The following SPTBN1 variants were observed in gnomAD, a reference collection of about 807,000 sequenced individuals.
SPTBN1 encodes the protein spectrin beta chain, non-erythrocytic 1.
A neutral mutation model predicts 266.4 loss-of-function variants in SPTBN1; 32 were observed. That is an observed-to-expected ratio of 0.12 (90% CI 0.09 to 0.16). The LOEUF is 0.16. SPTBN1 is among the 10% of genes least tolerant of loss of function. The pLI is 1.00. For synonymous variants in SPTBN1, 1,336 were observed against 1,162.2 expected (o/e 1.15, Z -3.04); for missense variants, 2,296 against 3,067.1 (o/e 0.75, Z 5.94).
chr2:54,505,763 A>G (rs117802256), intron 1 of SPTBN1, among the ~76,000 whole-genome samples: 4 of 152,132 alleles, frequency 2.6e-5, no homozygotes, highest in East Asian at 1.9e-4. Context: ...GTTGCTTCAC[A>G]TTGAGCTTGC....
In SPTBN1 at chr2:54,649,692, C is replaced by T; in HGVS notation, c.5280C>T (p.His1760=). The part of the protein sequence containing the change: ...IGQERVDTVN[H]LADELINSGH... ...AGGAGCGCGTGGACACGGTCAATCA[C>T]CTGGCAGATGAGCTCATCAACTCTG... Residue 1760 remains histidine, a synonymous_variant, in exon 26 of 36, where the codon CAC becomes CAT. Coordinates refer to ENST00000356805, the MANE Select transcript of SPTBN1 (RefSeq NM_003128.3). The surrounding 1 kb of genome is among the most constrained non-coding windows in gnomAD (Gnocchi z 6.7). 2 of 1,614,158 alleles carry T rather than the reference C, an allele frequency of 1.2e-6. No homozygotes were observed. The highest frequency in any genetic ancestry group is 8.5e-7 in the Non-Finnish European group (1 of 1,180,024).
At chr2:54,481,395 T>A (rs34323996) in intron 1 of SPTBN1, among the ~76,000 whole-genome samples, 376 of 26,218 alleles carry the variant, frequency 0.014, 3 homozygotes, top group African/African-American at 0.13. Flanking sequence ...AACCTGAGTG[T>A]GTGTGTGTGT....
At chr2:54,667,282 G>A (rs925178818) in intron 34 of SPTBN1, among the ~76,000 whole-genome samples, 3 of 152,186 alleles carry the variant, frequency 2.0e-5, no homozygotes, top group Admixed American at 2.0e-4. Flanking sequence ...ACTCAGTTTA[G>A]ACCAGTAAGT....
chr2:54,596,309 C>CCGAA (rs1477996496), intron 2 of SPTBN1, among the ~76,000 whole-genome samples: 1 of 152,210 alleles, frequency 6.6e-6, no homozygotes, highest in Non-Finnish European at 1.5e-5. Context: ...CCCCAAGGAC[C>CCGAA]CGAAGCCTGA....
intron 29 of SPTBN1, 40 bp from the exon 30 acceptor site, chr2:54,657,810 C>T (rs1310056703): frequency 1.9e-6 from 3 of 1,613,076 alleles, no homozygotes; most frequent in African/African-American, 1.3e-5. Flanking sequence ...TGCCCGGCAC[C>T]TCCTGGTCAA....
Position 54,487,832 on chromosome 2 carries a change from C to CTTTTTTTTTTAT in SPTBN1, c.-48+31324_-48+31325insATTTTTTTTTTT, listed in dbSNP as rs1553432532. 2.0e-3 allele frequency among the ~76,000 whole-genome samples: 140 copies of CTTTTTTTTTTAT among 68,646 alleles called. 17 individuals carry two copies. The highest frequency in any genetic ancestry group is 3.2e-3 in the Non-Finnish European group (124 of 39,042). The allele number at this position is 68,646 out of a possible 152,430, so 45.0% of individuals were successfully genotyped here. On this transcript the variant is annotated intron_variant, in intron 1 of 35. Coordinates refer to ENST00000356805, the MANE Select transcript of SPTBN1 (RefSeq NM_003128.3). ...TTCACTTGATGGTCTCCTCCTGTGTCTTTTTTTTTTTTTTTGAGACGGAGT... is the reference window on the plus strand; with the variant it reads ...TTCACTTGATGGTCTCCTCCTGTGTCTTTTTTTTTTATTTTTTTTTTTTTTTTGAGACGGAGT...
At chr2:54,555,484 G>A (rs1470470981) in intron 2 of SPTBN1, among the ~76,000 whole-genome samples, 6 of 152,104 alleles carry the variant, frequency 3.9e-5, no homozygotes, top group South Asian at 2.1e-4. Flanking sequence ...TAATTTTTAC[G>A]TCAGCCCATT....
chr2:54,576,073 G>GTT (rs1674449935), intron 2 of SPTBN1, among the ~76,000 whole-genome samples: 1 of 4,834 alleles, frequency 2.1e-4, no homozygotes, highest in African/African-American at 1.6e-3. Flanking sequence ...TTTTTTTTTT[G>GTT]AGAGACAGTC....
At chr2:54,610,401 T>C (rs113616103) in intron 3 of SPTBN1, among the ~76,000 whole-genome samples, 1 of 152,218 alleles carries the variant, frequency 6.6e-6, no homozygotes, top group African/African-American at 2.4e-5. Flanking sequence ...TGCACTCACA[T>C]AAAAGATGCA....
At position 54,558,805 on chromosome 2, in the gene SPTBN1, C is replaced by T. The variant is rs763499641; in HGVS notation, c.148+32239C>T. The T allele has an allele frequency of 1.5e-5, 24 of 1,613,736 alleles. No homozygotes were observed. In the Middle Eastern group the frequency reaches 4.9e-4, roughly 33 times the overall value. On this transcript the variant is annotated intron_variant, in intron 2 of 35. Transcript: ENST00000356805. The surrounding 1 kb of genome is among the most constrained non-coding windows in gnomAD (Gnocchi z 4.6). ...TGGAATTGCAGAGGACGTCTAGTAT[C>T]TCCGGGCCGCTGTCGCCGGCGTACA...
chr2:54,526,312 G>A, intron 1 of SPTBN1, 60 bp from the exon 2 acceptor site: 1 of 1,386,380 alleles, frequency 7.2e-7, no homozygotes, highest in Non-Finnish European at 9.8e-7. Context: ...ATCCCAGTTG[G>A]TTCCGTGGGG....
intron 2 of SPTBN1, 23 bp downstream of exon 2, chr2:54,526,589 A>G: frequency 6.2e-7 from 1 of 1,607,232 alleles, no homozygotes; most frequent in Non-Finnish European, 8.5e-7. Flanking sequence ...CACCTGTCAC[A>G]GAGGCCCAGG....
At chr2:54,539,799 C>T (rs1671828079) in intron 2 of SPTBN1, among the ~76,000 whole-genome samples, 1 of 152,154 alleles carries the variant, frequency 6.6e-6, no homozygotes, top group African/African-American at 2.4e-5. Flanking sequence ...ACGTTGGCTT[C>T]CCAGAGTGCT....
chr2:54,517,401 TATG>T (rs1670166842), intron 1 of SPTBN1, among the ~76,000 whole-genome samples: 1 of 150,620 alleles, frequency 6.6e-6, no homozygotes, highest in Non-Finnish European at 1.5e-5. Context: ...ATAAAATAAT[TATG>T]ATCTTGTAAC....
chr2:54,578,770 GT>G (rs1377105864), intron 2 of SPTBN1, among the ~76,000 whole-genome samples: 3 of 151,912 alleles, frequency 2.0e-5, no homozygotes, highest in African/African-American at 7.3e-5. Flanking sequence ...GTGTGTGTGT[GT>G]GTGTGTGATG....
intron 17 of SPTBN1, among the ~76,000 whole-genome samples, chr2:54,636,759 A>C (rs1267063150): frequency 6.6e-6 from 1 of 152,162 alleles, no homozygotes; most frequent in Non-Finnish European, 1.5e-5. Flanking sequence ...CCTCAGTTGC[A>C]CTCTGCCTTT....
Position 54,630,841 on chromosome 2 carries a change from C to T in SPTBN1, c.2808-14C>T, listed in dbSNP as rs1490008593. 1.9e-6 allele frequency: 3 copies of T among 1,559,082 alleles called. No individual in the cohort carries two copies. Among genetic ancestry groups the T allele is most frequent in the African/African-American group, 1.4e-5 (1 of 73,622 alleles). ...TCCCTTTTTCACACTCGCTGTCTGC[C>T]CCTGCACTCACAGGTGGAGCCAGTT... On this transcript the variant is annotated splice_polypyrimidine_tract_variant and intron_variant, in intron 15 of 35. Transcript: ENST00000356805.
intron 17 of SPTBN1, among the ~76,000 whole-genome samples, chr2:54,635,343 G>C (rs183745140): frequency 9.5e-4 from 144 of 152,330 alleles, no homozygotes; most frequent in Non-Finnish European, 1.5e-3. Flanking sequence ...AGCGTCTTCT[G>C]AGTCAGCGGC....
At chr2:54,543,254 G>C (rs1342276405) in intron 2 of SPTBN1, among the ~76,000 whole-genome samples, 1 of 152,182 alleles carries the variant, frequency 6.6e-6, no homozygotes, top group African/African-American at 2.4e-5. Flanking sequence ...GAATGTTGCA[G>C]GAACTTAAAA....
Sources: gnomAD v4.1 joint callset for allele counts (sites outside exome capture counted in the v4.1 genomes callset) on GRCh38, gnomAD v4.1.1 for gene constraint, Gnocchi (gnomAD v3.1) non-coding constraint, MANE v1.5 for transcripts, NCBI Gene and HGNC (gene_info 2026-07-23, HGNC 2026-07-21) for gene names.